ST6GALNAC3: variants seen among roughly 807,000 people sequenced by gnomAD.
ST6GALNAC3 encodes the protein alpha-N-acetylgalactosaminide alpha-2,6-sialyltransferase 3.
In ST6GALNAC3, 25 loss-of-function variants were observed where a neutral mutation model predicts 32.7. The observed-to-expected ratio is 0.76, with a 90% CI of 0.56 to 1.07. The LOEUF is 1.07. Ranked by LOEUF, ST6GALNAC3 falls within the 50% of genes least tolerant of loss-of-function variation. The probability of loss-of-function intolerance (pLI) is 0.00; values close to 1 mark genes in which losing one functional copy is unlikely to be tolerated. For synonymous variants in ST6GALNAC3, 129 were observed against 133.1 expected, an observed-to-expected ratio of 0.97 and a Z score of 0.21; for missense variants, 355 against 382.4, an observed-to-expected ratio of 0.93 and a Z score of 0.60.
At position 76,632,571 on chromosome 1, in the gene ST6GALNAC3, A is replaced by G. The variant is rs974030934; in HGVS notation, c.*3765A>G. 4.6e-5 allele frequency: 7 copies of G among 152,162 alleles called. No individual in the cohort carries two copies. The highest frequency in any genetic ancestry group is 1.7e-4 in the African/African-American group (7 of 41,444). 9.4% of individuals were successfully genotyped at this position (152,162 alleles called of 1,614,324 possible). A position where few individuals can be genotyped will look rare whatever the true frequency, so the allele number is the denominator to read the frequency against. On this transcript the variant is annotated 3_prime_UTR_variant, in exon 5 of 5. Transcript: ENST00000328299. The stretch of plus-strand genomic sequence containing the variant: ...CACTGTGAAAAAGGAAAATTATACA[A>G]GGAGATTGCTCTTGGAGGATTTGGT...
At chr1:76,601,431 T>C (rs1432331251) in intron 3 of ST6GALNAC3, among the ~76,000 whole-genome samples, 1 of 151,908 alleles carries the variant, frequency 6.6e-6, no homozygotes, top group South Asian at 2.1e-4. Context: ...AAAGAGAAAA[T>C]TAAAGGGTAA....
intron 2 of ST6GALNAC3, among the ~76,000 whole-genome samples, chr1:76,397,790 T>A (rs572803811): frequency 1.4e-3 from 209 of 152,234 alleles, no homozygotes; most frequent in African/African-American, 4.9e-3. Flanking sequence ...GTTTTTTGTA[T>A]TGTTTTGTTT....
chr1:76,199,157 C>T (rs575947817), intron 1 of ST6GALNAC3, among the ~76,000 whole-genome samples: 4 of 152,268 alleles, frequency 2.6e-5, no homozygotes, highest in Admixed American at 6.5e-5. Flanking sequence ...TCTTCTGAAA[C>T]GATTGGATCC....
At chr1:76,570,294 G>C (rs1020595163) in intron 3 of ST6GALNAC3, among the ~76,000 whole-genome samples, 1 of 151,896 alleles carries the variant, frequency 6.6e-6, no homozygotes, top group African/African-American at 2.4e-5. Context: ...CCAGTGCTTT[G>C]GATATTCTGC....
rs747572877 is a variant in ST6GALNAC3 at position 76,376,035 on chromosome 1, A to T, written c.214-35973A>T. ...GTTACCCCTAGTGAAGGGAATGGAG[A>T]AATTGGAAGACTAGGTAGATGCTAG... On this transcript the variant is annotated intron_variant, in intron 2 of 4. Transcript: ENST00000328299. Among the ~76,000 whole-genome samples the T allele has an allele frequency of 2.0e-5, 3 of 152,292 alleles. 1 individual carries two copies. The South Asian group carries it at 6.2e-4, about 32-fold the overall frequency.
At chr1:76,079,138 T>C (rs1646856469) in intron 1 of ST6GALNAC3, among the ~76,000 whole-genome samples, 1 of 152,138 alleles carries the variant, frequency 6.6e-6, no homozygotes, top group African/African-American at 2.4e-5. Flanking sequence ...CCCAGAGCCC[T>C]TGTCAGATTC....
At chr1:76,178,469 T>C (rs1202227730) in intron 1 of ST6GALNAC3, among the ~76,000 whole-genome samples, 1 of 152,176 alleles carries the variant, frequency 6.6e-6, no homozygotes. Context: ...CTGACCTTGA[T>C]GTTTATCGCC....
intron 1 of ST6GALNAC3, among the ~76,000 whole-genome samples, chr1:76,249,249 T>C (rs989763163): frequency 2.0e-5 from 3 of 152,160 alleles, no homozygotes; most frequent in African/African-American, 7.2e-5. Context: ...TTAATAGACA[T>C]TTTCCTTTGC....
At chr1:76,221,587 T>C (rs1655773687) in intron 1 of ST6GALNAC3, among the ~76,000 whole-genome samples, 1 of 152,208 alleles carries the variant, frequency 6.6e-6, no homozygotes, top group Admixed American at 6.5e-5. Flanking sequence ...CTGTCCTTCA[T>C]TCATAGTCAT....
rs554188157 is a variant in ST6GALNAC3, at chr1:76,342,521, G to A, written c.213+28522G>A. The stretch of plus-strand genomic sequence containing the variant: ...GCATAAATGTCTTCTTTTGAGAAGT[G>A]TCTGTTCATATCCTTTGCCCACTTT... On this transcript the variant is annotated intron_variant, in intron 2 of 4. Coordinates refer to ENST00000328299, the MANE Select transcript of ST6GALNAC3 (RefSeq NM_152996.4). 6.1e-3 allele frequency among the ~76,000 whole-genome samples: 923 copies of A among 151,626 alleles called. 4 individuals are homozygous for A. The highest frequency in any genetic ancestry group is 0.021 in the African/African-American group (876 of 41,406).
At chr1:76,476,517 G>C (rs765804200) in intron 3 of ST6GALNAC3, among the ~76,000 whole-genome samples, 1 of 152,136 alleles carries the variant, frequency 6.6e-6, no homozygotes, top group Non-Finnish European at 1.5e-5. Flanking sequence ...TTCTTTTTCT[G>C]ATTCAGACAT....
intron 1 of ST6GALNAC3, among the ~76,000 whole-genome samples, chr1:76,191,567 G>A (rs964238210): frequency 3.3e-5 from 5 of 152,148 alleles, no homozygotes; most frequent in Non-Finnish European, 7.3e-5. Context: ...TACATGAGGT[G>A]ATGGTCATGC....
chr1:76,487,214 T>C (rs1660181628), intron 3 of ST6GALNAC3, among the ~76,000 whole-genome samples: 1 of 152,200 alleles, frequency 6.6e-6, no homozygotes, highest in African/African-American at 2.4e-5. Flanking sequence ...TTGGAGTTTC[T>C]CTTCTAAAGG....
At chr1:76,080,066 A>G (rs903377337) in intron 1 of ST6GALNAC3, among the ~76,000 whole-genome samples, 4 of 152,234 alleles carry the variant, frequency 2.6e-5, no homozygotes, top group Non-Finnish European at 5.9e-5. Context: ...AAGTGAGATT[A>G]TAGACTCAGT....
At chr1:76,346,331 T>A (rs923891017) in intron 2 of ST6GALNAC3, among the ~76,000 whole-genome samples, 1 of 152,202 alleles carries the variant, frequency 6.6e-6, no homozygotes, top group African/African-American at 2.4e-5. Context: ...GCTGTGTCCA[T>A]GTCCAAGGCC....
rs188439573 is a variant in ST6GALNAC3, at chr1:76,586,457, T to C, written c.624-40995T>C. On this transcript the variant is annotated intron_variant, in intron 3 of 4. Coordinates refer to ENST00000328299, the MANE Select transcript of ST6GALNAC3 (RefSeq NM_152996.4). The stretch of plus-strand genomic sequence containing the variant: ...ATCTTTGTGTTGTGAAAAAGAAATA[T>C]TGTCTTGCTAAACTCTTTGGACACT... Among the ~76,000 whole-genome samples, 1,003 of 152,346 alleles carry C rather than the reference T, an allele frequency of 6.6e-3. 4 individuals carry two copies. The highest frequency in any genetic ancestry group is 9.4e-3 in the Non-Finnish European group (641 of 68,034).
At position 76,160,268 on chromosome 1, in the gene ST6GALNAC3, C is replaced by T. The variant is rs1237722299; in HGVS notation, c.18+85384C>T. 2.0e-5 allele frequency among the ~76,000 whole-genome samples: 3 copies of T among 152,208 alleles called. No individual in the cohort carries two copies. In the South Asian group the frequency reaches 6.2e-4, roughly 32 times the overall value. ...ACACTTAAAAGGTTAAAGCTAATGC[C>T]GTAAGCATTGGGGAGCTCTCAGAGG... On this transcript the variant is annotated intron_variant, in intron 1 of 4. Coordinates refer to ENST00000328299, the MANE Select transcript of ST6GALNAC3 (RefSeq NM_152996.4).
At position 76,629,274 on chromosome 1, in the gene ST6GALNAC3, G is replaced by A. The variant is rs1649171009; in HGVS notation, c.*468G>A. The A allele has an allele frequency of 1.0e-6, 1 of 988,942 alleles. No homozygotes were observed. Among genetic ancestry groups the A allele is most frequent in the African/African-American group, 1.7e-5 (1 of 57,194 alleles). 61.3% of individuals were successfully genotyped at this position (988,942 alleles called of 1,614,324 possible). A position where few individuals can be genotyped will look rare whatever the true frequency, so the allele number is the denominator to read the frequency against. On this transcript the variant is annotated 3_prime_UTR_variant, in exon 5 of 5. Transcript: ENST00000328299. ...ATTGTCAAACACTGACCCAAGAACT[G>A]CTATCAGGGTGCAAGTATCTTACTA...
chr1:76,561,782 C>T (rs1665260042), intron 3 of ST6GALNAC3, among the ~76,000 whole-genome samples: 1 of 152,168 alleles, frequency 6.6e-6, no homozygotes, highest in Non-Finnish European at 1.5e-5. Context: ...AATAAAAACA[C>T]ATCCACACAA....
Sources: allele counts gnomAD v4.1 joint callset (sites outside exome capture counted in the v4.1 genomes callset), GRCh38; gene constraint gnomAD v4.1.1; transcripts MANE v1.5; gene names NCBI Gene and HGNC (gene_info 2026-07-23, HGNC 2026-07-21).